C12orf42: variants seen among roughly 807,000 people sequenced by gnomAD.
C12orf42 encodes chromosome 12 open reading frame 42, also known as uncharacterized protein C12orf42.
A neutral mutation model predicts 21.6 loss-of-function variants in C12orf42; 25 were observed. The observed-to-expected ratio is 1.16, with a 90% CI of 0.84 to 1.62. The LOEUF (loss-of-function observed/expected upper bound fraction) is 1.62, where lower values mean the gene tolerates loss of function less well. Among genes scored for constraint, C12orf42 ranks in the 40% most tolerant of loss-of-function variants. The pLI is 0.00. For synonymous variants in C12orf42, 174 were observed against 175.0 expected (o/e 0.99, Z 0.05); for missense variants, 483 against 459.3 (o/e 1.05, Z -0.47).
At chr12:103,171,256 T>C in the C12orf42 span, among the ~76,000 whole-genome samples, 1 of 152,280 alleles carries the variant, frequency 6.6e-6, no homozygotes, top group East Asian at 1.9e-4. Flanking sequence ...TGAGATTATA[T>C]AAACACCTCG....
the C12orf42 span, among the ~76,000 whole-genome samples, chr12:103,522,504 T>C: frequency 6.6e-6 from 1 of 152,036 alleles, no homozygotes; most frequent in Non-Finnish European, 1.5e-5. Flanking sequence ...CTCATGGCTC[T>C]CCAGCACAGC....
At chr12:103,159,943 C>T in the C12orf42 span, among the ~76,000 whole-genome samples, 1 of 152,170 alleles carries the variant, frequency 6.6e-6, no homozygotes, top group Non-Finnish European at 1.5e-5. Context: ...ACTGCCTATT[C>T]CATATTTCAA....
chr12:103,340,878 C>T (rs549727699), intron 4 of C12orf42, among the ~76,000 whole-genome samples: 9 of 152,112 alleles, frequency 5.9e-5, no homozygotes, highest in African/African-American at 2.2e-4. Flanking sequence ...CTTTGGGAGG[C>T]CTAGGCGGGG....
chr12:103,348,227 T>C (rs1329059478), intron 4 of C12orf42, among the ~76,000 whole-genome samples: 1 of 151,022 alleles, frequency 6.6e-6, no homozygotes, highest in African/African-American at 2.4e-5. Flanking sequence ...TCCCAGAACC[T>C]AGAGATCTAC....
At chr12:103,512,772 G>A in the C12orf42 span, among the ~76,000 whole-genome samples, 1 of 152,134 alleles carries the variant, frequency 6.6e-6, no homozygotes, top group Non-Finnish European at 1.5e-5. Context: ...GGGAAGCCAA[G>A]GCGGGTGGAT....
the C12orf42 span, among the ~76,000 whole-genome samples, chr12:103,130,748 A>C: frequency 1.5e-4 from 23 of 152,288 alleles, no homozygotes; most frequent in African/African-American, 5.3e-4. Context: ...GAGCCTCATC[A>C]CCTCACAGTG....
intron 2 of C12orf42, among the ~76,000 whole-genome samples, chr12:103,411,761 A>T (rs2048866665): frequency 6.6e-6 from 1 of 152,194 alleles, no homozygotes; most frequent in African/African-American, 2.4e-5. Flanking sequence ...CGAGCAATAA[A>T]TGTCTGTTGT....
At chr12:103,474,276 A>C (rs1267815705) in intron 2 of C12orf42, among the ~76,000 whole-genome samples, 1 of 152,198 alleles carries the variant, frequency 6.6e-6, no homozygotes, top group Non-Finnish European at 1.5e-5. Context: ...AAACAGCACC[A>C]GTCAGACATG....
chr12:103,189,954 C>G, the C12orf42 span, among the ~76,000 whole-genome samples: 2 of 150,390 alleles, frequency 1.3e-5, no homozygotes, highest in Non-Finnish European at 3.0e-5. Flanking sequence ...AGGGACAGAA[C>G]AATTGGATAT....
At chr12:103,326,294 A>G (rs1475137537) in intron 4 of C12orf42, among the ~76,000 whole-genome samples, 1 of 152,206 alleles carries the variant, frequency 6.6e-6, no homozygotes, top group Admixed American at 6.5e-5. Context: ...CTTGTCAAAG[A>G]TAAAAGCCAG....
intron 2 of C12orf42, among the ~76,000 whole-genome samples, chr12:103,471,437 G>C (rs1953595828): frequency 6.6e-6 from 1 of 152,172 alleles, no homozygotes; most frequent in East Asian, 1.9e-4. Context: ...AACCTAAACA[G>C]CCAACAGAGG....
chr12:103,501,128 C>T, the C12orf42 span, among the ~76,000 whole-genome samples: 1 of 152,114 alleles, frequency 6.6e-6, no homozygotes, highest in Admixed American at 6.5e-5. Context: ...GATTGTGAGA[C>T]GGCAATGCTT....
At chr12:103,510,272 C>G in the C12orf42 span, among the ~76,000 whole-genome samples, 1,794 of 152,270 alleles carry the variant, frequency 0.012, 17 homozygotes, top group Middle Eastern at 0.02. Context: ...AACCAAACAT[C>G]AAACATTCTC....
At chr12:103,541,160 T>A in the C12orf42 span, among the ~76,000 whole-genome samples, 1 of 152,222 alleles carries the variant, frequency 6.6e-6, no homozygotes, top group Non-Finnish European at 1.5e-5. Flanking sequence ...AGCCTCGGCC[T>A]CCCAAAGTGC....
the C12orf42 span, among the ~76,000 whole-genome samples, chr12:103,159,943 C>A: frequency 6.6e-6 from 1 of 152,170 alleles, no homozygotes; most frequent in African/African-American, 2.4e-5. Flanking sequence ...ACTGCCTATT[C>A]CATATTTCAA....
At chr12:103,169,571 C>T in the C12orf42 span, among the ~76,000 whole-genome samples, 1 of 152,068 alleles carries the variant, frequency 6.6e-6, no homozygotes, top group African/African-American at 2.4e-5. Context: ...GTCTAGAAAA[C>T]CCACCTCCAG....
At chr12:103,554,308 C>T in the C12orf42 span, among the ~76,000 whole-genome samples, 1 of 151,886 alleles carries the variant, frequency 6.6e-6, no homozygotes, top group African/African-American at 2.4e-5. Flanking sequence ...AACTGAAAAC[C>T]AGGTGGTGGG....
intron 10 of C12orf42, among the ~76,000 whole-genome samples, chr12:103,240,626 C>T (rs2033690350): frequency 6.6e-6 from 1 of 152,142 alleles, no homozygotes; most frequent in South Asian, 2.1e-4. Flanking sequence ...CCGCTGTTTC[C>T]ATGTCCCAGG....
the C12orf42 span, among the ~76,000 whole-genome samples, chr12:103,100,161 C>T: frequency 2.0e-5 from 3 of 152,226 alleles, no homozygotes; most frequent in East Asian, 5.8e-4. Context: ...GGCAGAGGCC[C>T]AGTGTGTCTT....
Sources: gnomAD v4.1 joint callset for allele counts (sites outside exome capture counted in the v4.1 genomes callset) on GRCh38, gnomAD v4.1.1 for gene constraint, MANE v1.5 for transcripts, NCBI Gene and HGNC (gene_info 2026-07-23, HGNC 2026-07-21) for gene names.